PSMA6: variants seen among roughly 807,000 people sequenced by gnomAD.
PSMA6 encodes the protein proteasome subunit alpha type-6.
For missense variants in PSMA6, 170 were observed against 294.8 expected (o/e 0.58, Z 3.10); for synonymous variants, 88 against 97.7 (o/e 0.90, Z 0.59).
intron 1 of PSMA6, among the ~76,000 whole-genome samples, chr14:35,302,168 AC>A (rs1370872705): frequency 6.6e-6 from 1 of 152,124 alleles, no homozygotes; most frequent in Non-Finnish European, 1.5e-5. Flanking sequence ...TTACCAACCT[AC>A]CAGAGGGTTA....
At chr14:35,292,186 G>T, upstream of PSMA6, 1 of 623,398 alleles carries the variant, frequency 1.6e-6, no homozygotes, top group South Asian at 3.7e-5. Context: ...CCAGATGAAA[G>T]CCTGAAAGCG....
intron 1 of PSMA6, among the ~76,000 whole-genome samples, chr14:35,285,242 A>G (rs1297050483): frequency 5.9e-5 from 9 of 151,446 alleles, no homozygotes; most frequent in Non-Finnish European, 1.3e-4. Flanking sequence ...GCTACTTGGG[A>G]GGCTGAAGTG....
chr14:35,279,984 G>T (rs2051348063), intron 1 of PSMA6, among the ~76,000 whole-genome samples: 4 of 151,832 alleles, frequency 2.6e-5, no homozygotes, highest in African/African-American at 7.3e-5. Context: ...AATTAGCCAG[G>T]CGTGGTGGCA....
At chr14:35,293,293 T>G (rs2051524218) in intron 1 of PSMA6, 2 of 278,212 alleles carry the variant, frequency 7.2e-6, no homozygotes, top group South Asian at 6.4e-5. Context: ...GTGTACTAGT[T>G]TACTGAAGAA....
At chr14:35,288,286 C>T (rs1303939408), upstream of PSMA6, among the ~76,000 whole-genome samples, 7 of 152,098 alleles carry the variant, frequency 4.6e-5, no homozygotes, top group Admixed American at 2.6e-4. Flanking sequence ...TCACTTGAGG[C>T]CAGGAGTTTG....
chr14:35,283,875 A>G (rs2051394767), intron 1 of PSMA6, among the ~76,000 whole-genome samples: 1 of 152,154 alleles, frequency 6.6e-6, no homozygotes, highest in Admixed American at 6.5e-5. Context: ...TCCAGCCTTT[A>G]CAAATTTTTT....
rs1205168660 is a variant in PSMA6 at position 35,302,928 on chromosome 14, G to C, written c.77-5066G>C. Among the ~76,000 whole-genome samples the C allele has an allele frequency of 3.3e-5, 5 of 152,126 alleles. 1 individual carries two copies. Among genetic ancestry groups the C allele is most frequent in the Middle Eastern group, 6.8e-3 (2 of 294 alleles). On this transcript the variant is annotated intron_variant, in intron 1 of 6. Coordinates refer to ENST00000261479, the MANE Select transcript of PSMA6 (RefSeq NM_002791.3). Reference sequence around the variant, plus strand: ...TGAGAACATTTTCCATCATGTCATTGAGCATAGTTATAATGGTTGTTTTTA... The same window carrying C: ...TGAGAACATTTTCCATCATGTCATTCAGCATAGTTATAATGGTTGTTTTTA...
chr14:35,316,727 A>T (rs1386363017), intron 6 of PSMA6: 1 of 152,784 alleles, frequency 6.5e-6, no homozygotes. Context: ...TTAGCTGGGC[A>T]TAGTGGCACA....
chr14:35,287,725 A>T (rs1006184162), upstream of PSMA6, among the ~76,000 whole-genome samples: 4 of 152,218 alleles, frequency 2.6e-5, no homozygotes, highest in African/African-American at 9.7e-5. Context: ...GTCTAACTTG[A>T]TGGCCCCACA....
intron 1 of PSMA6, among the ~76,000 whole-genome samples, chr14:35,296,426 G>A (rs2138720825): frequency 6.6e-6 from 1 of 152,214 alleles, no homozygotes. Context: ...TGCCTTCTGG[G>A]TTCAAGTGAT....
At chr14:35,284,199 A>G (rs1313360046) in intron 1 of PSMA6, among the ~76,000 whole-genome samples, 4 of 152,050 alleles carry the variant, frequency 2.6e-5, no homozygotes, top group African/African-American at 9.7e-5. Flanking sequence ...AGGTTAGGCT[A>G]TTGCCTAGCT....
At chr14:35,293,202 G>A (rs144619899) in intron 1 of PSMA6, 1 of 333,700 alleles carries the variant, frequency 3.0e-6, no homozygotes, top group Non-Finnish European at 6.0e-6. Context: ...CTGCTCTTGA[G>A]ATTGGCATCC....
At chr14:35,288,711 T>G (rs2051446446), upstream of PSMA6, among the ~76,000 whole-genome samples, 1 of 152,306 alleles carries the variant, frequency 6.6e-6, no homozygotes, top group African/African-American at 2.4e-5. Context: ...GGGATGAAGA[T>G]TTGTTTGAAT....
chr14:35,292,346 G>GGCATGCAA (rs2051497780), upstream of PSMA6: 1 of 1,514,612 alleles, frequency 6.6e-7, no homozygotes, highest in Admixed American at 2.2e-5. Flanking sequence ...CCGTGAGTTC[G>GGCATGCAA]GCATGCAAGA....
chr14:35,310,648 A>G (rs1319657493), intron 3 of PSMA6, 92 bp from the exon 4 acceptor site: 8 of 1,301,206 alleles, frequency 6.1e-6, no homozygotes, highest in African/African-American at 1.5e-5. Flanking sequence ...ATGTATGTCT[A>G]TATGGTGGGA....
chr14:35,285,355 C>CA (rs3058486), intron 1 of PSMA6, among the ~76,000 whole-genome samples: 15,367 of 141,674 alleles, frequency 0.11, 921 homozygotes, highest in Middle Eastern at 0.16. Context: ...AAACAAAAAA[C>CA]AAAAAAAAAA....
intron 1 of PSMA6, among the ~76,000 whole-genome samples, chr14:35,302,781 C>T: frequency 6.6e-6 from 1 of 152,066 alleles, no homozygotes; most frequent in Non-Finnish European, 1.5e-5. Context: ...TTCTCATCTC[C>T]ATTCTACAGT....
intron 6 of PSMA6, 26 bp downstream of exon 6, chr14:35,314,481 A>G: frequency 6.3e-7 from 1 of 1,598,934 alleles, no homozygotes; most frequent in Non-Finnish European, 8.5e-7. Context: ...GGCCACATGC[A>G]GACTAGAAAG....
intron 1 of PSMA6, chr14:35,293,015 A>G: frequency 4.4e-6 from 2 of 457,664 alleles, no homozygotes; most frequent in South Asian, 1.5e-5. Context: ...AGACACTGCT[A>G]GTCCTAGGAG....
Sources: allele counts gnomAD v4.1 joint callset (sites outside exome capture counted in the v4.1 genomes callset), GRCh38; gene constraint gnomAD v4.1.1; transcripts MANE v1.5; gene names NCBI Gene and HGNC (gene_info 2026-07-23, HGNC 2026-07-21).